The following FBN2 variants were observed in gnomAD, a reference collection of about 807,000 sequenced individuals.
FBN2 encodes fibrillin-2.
Under a neutral mutation model 355.6 loss-of-function variants are expected in FBN2, and 105 were observed. The ratio of observed to expected loss-of-function variants is 0.30; its 90% CI spans 0.25 to 0.35. The LOEUF is 0.35. FBN2 is among the 10% of genes least tolerant of loss of function. FBN2 has a pLI of 1.00. For missense variants in FBN2, 3,280 were observed against 3,758.7 expected, an observed-to-expected ratio of 0.87 and a Z score of 3.33; for synonymous variants, 1,350 against 1,301.2, an observed-to-expected ratio of 1.04 and a Z score of -0.81.
intron 5 of FBN2, among the ~76,000 whole-genome samples, chr5:128,506,564 G>A (rs906964768): frequency 6.6e-6 from 1 of 151,994 alleles, no homozygotes; most frequent in African/African-American, 2.4e-5. Flanking sequence ...AAAGTCCATC[G>A]GATTTTCTAC....
At chr5:128,401,272 T>C (rs567310608) in intron 8 of FBN2, among the ~76,000 whole-genome samples, 2 of 152,318 alleles carry the variant, frequency 1.3e-5, no homozygotes, top group South Asian at 4.1e-4. Context: ...CATATTTTCA[T>C]TGAACACTGC....
intron 20 of FBN2, among the ~76,000 whole-genome samples, chr5:128,351,482 G>C (rs1344224933): frequency 6.6e-6 from 1 of 151,984 alleles, no homozygotes; most frequent in East Asian, 1.9e-4. Context: ...AGGAGGCAGA[G>C]GTTGCAGTGA....
At chr5:128,522,985 T>G (rs1055304941) in intron 4 of FBN2, among the ~76,000 whole-genome samples, 28 of 152,112 alleles carry the variant, frequency 1.8e-4, no homozygotes, top group Admixed American at 3.3e-4. Context: ...AAACACACTG[T>G]TTTTCCTGTG....
rs570923578 is a variant in FBN2, at chr5:128,399,580, A to C, written c.1079-4306T>G. Among the ~76,000 whole-genome samples the C allele has an allele frequency of 9.2e-5, 14 of 152,348 alleles. No homozygotes were observed. The South Asian group carries it at 2.9e-3, about 32-fold the overall frequency. ...CAGGAAGAAATGATGAGCAAAAAAT[A>C]TTAAATAAGTGGGTAAATCTAAATA... is the stretch of plus-strand genomic sequence containing the variant. On this transcript the variant is annotated intron_variant, in intron 8 of 64. Coordinates refer to ENST00000262464, the MANE Select transcript of FBN2 (RefSeq NM_001999.4).
chr5:128,383,155 TA>T (rs929740697), intron 11 of FBN2, among the ~76,000 whole-genome samples: 7 of 152,086 alleles, frequency 4.6e-5, no homozygotes, highest in Admixed American at 3.3e-4. Context: ...AGCAAGCCCC[TA>T]AGTAGGTGAG....
intron 14 of FBN2, 127 bp from the exon 15 acceptor site, chr5:128,374,877 A>ATTTC: frequency 1.0e-6 from 1 of 981,616 alleles, no homozygotes; most frequent in South Asian, 1.4e-5. Flanking sequence ...TGAAGAACAA[A>ATTTC]TAAGTGTGGT....
chr5:128,534,828 A>G (rs1038112744), intron 2 of FBN2, among the ~76,000 whole-genome samples: 1 of 152,210 alleles, frequency 6.6e-6, no homozygotes, highest in East Asian at 1.9e-4. Context: ...AACACGTACC[A>G]TGAACCAATC....
At chr5:128,375,365 T>C (rs1752053996) in intron 14 of FBN2, among the ~76,000 whole-genome samples, 2 of 152,164 alleles carry the variant, frequency 1.3e-5, no homozygotes, top group Non-Finnish European at 1.5e-5. Flanking sequence ...TTTAGATGTA[T>C]ATTGAAGTTT....
chr5:128,503,605 C>T (rs1554074324), intron 5 of FBN2, among the ~76,000 whole-genome samples: 1 of 152,144 alleles, frequency 6.6e-6, no homozygotes, highest in Non-Finnish European at 1.5e-5. Context: ...CATTTTGCCC[C>T]TGTCCTAGAG....
intron 25 of FBN2, among the ~76,000 whole-genome samples, chr5:128,343,871 G>A (rs1050256958): frequency 2.6e-5 from 4 of 152,090 alleles, no homozygotes; most frequent in Non-Finnish European, 5.9e-5. Context: ...TTTTCATGAT[G>A]TTTTGCAGTT....
intron 37 of FBN2, 115 bp downstream of exon 37, chr5:128,312,519 C>G: frequency 9.1e-7 from 1 of 1,100,936 alleles, no homozygotes; most frequent in Non-Finnish European, 1.3e-6. Context: ...AGTTCAAATT[C>G]AGTTTTTTTG....
chr5:128,434,605 C>T (rs1398524829), intron 7 of FBN2, among the ~76,000 whole-genome samples: 1 of 151,064 alleles, frequency 6.6e-6, no homozygotes, highest in African/African-American at 2.4e-5. Flanking sequence ...TCTCTCTCTT[C>T]CTCCTACCCT....
At chr5:128,362,016 T>G (rs1751652107) in intron 18 of FBN2, among the ~76,000 whole-genome samples, 168 bp from the exon 19 acceptor site, 1 of 152,224 alleles carries the variant, frequency 6.6e-6, no homozygotes, top group Non-Finnish European at 1.5e-5. Context: ...TTAGTTTTAT[T>G]CAAATGGGAT....
chr5:128,522,571 G>C (rs946874057), intron 4 of FBN2, among the ~76,000 whole-genome samples: 2 of 152,078 alleles, frequency 1.3e-5, no homozygotes, highest in Non-Finnish European at 2.9e-5. Flanking sequence ...TAGAACATTT[G>C]TACGAAAATG....
chr5:128,379,436 TA>T (rs772296981), intron 11 of FBN2, among the ~76,000 whole-genome samples: 39 of 152,130 alleles, frequency 2.6e-4, no homozygotes, highest in Middle Eastern at 6.8e-3. Flanking sequence ...TATTTTGAAG[TA>T]AAAAAACATG....
intron 48 of FBN2, among the ~76,000 whole-genome samples, chr5:128,296,627 A>T (rs1420418940): frequency 1.3e-5 from 2 of 152,016 alleles, no homozygotes; most frequent in African/African-American, 4.8e-5. Flanking sequence ...ATTTGTGTAG[A>T]GGTGTTTGTA....
chr5:128,525,106 GA>G (rs1392917568), intron 4 of FBN2, among the ~76,000 whole-genome samples: 1 of 152,144 alleles, frequency 6.6e-6, no homozygotes, highest in Non-Finnish European at 1.5e-5. Flanking sequence ...CCCAAGGCAT[GA>G]AGAGCAGCTT....
At chr5:128,526,322 C>A (rs567314438) in intron 4 of FBN2, among the ~76,000 whole-genome samples, 24 of 152,198 alleles carry the variant, frequency 1.6e-4, no homozygotes, top group African/African-American at 5.8e-4. Context: ...AGTGCAGCTT[C>A]TGTGGAAAAC....
chr5:128,350,473 C>T (rs1270633545), intron 21 of FBN2, among the ~76,000 whole-genome samples: 3 of 152,144 alleles, frequency 2.0e-5, no homozygotes, highest in Non-Finnish European at 4.4e-5. Context: ...ATCGCTTGAA[C>T]CCGGGAGGTG....
Sources: gnomAD v4.1 joint callset for allele counts (sites outside exome capture counted in the v4.1 genomes callset) on GRCh38, gnomAD v4.1.1 for gene constraint, MANE v1.5 for transcripts, NCBI Gene and HGNC (gene_info 2026-07-23, HGNC 2026-07-21) for gene names.